The following PTPRD variants were observed in gnomAD, a reference collection of about 807,000 sequenced individuals.
PTPRD encodes receptor-type tyrosine-protein phosphatase delta.
In PTPRD, 34 loss-of-function variants were observed where a neutral mutation model predicts 214.5. That is an observed-to-expected ratio of 0.16 (90% CI 0.12 to 0.21). The LOEUF (loss-of-function observed/expected upper bound fraction) is 0.21. Ranked by LOEUF, PTPRD falls within the 10% of genes least tolerant of loss-of-function variation. PTPRD has a pLI of 1.00. For missense variants in PTPRD, 2,545 were observed against 2,398.7 expected, an observed-to-expected ratio of 1.06 and a Z score of -1.27; for synonymous variants, 1,128 against 845.7, an observed-to-expected ratio of 1.33 and a Z score of -5.79.
intron 35 of PTPRD, among the ~76,000 whole-genome samples, chr9:8,405,232 A>G (rs1165855614): frequency 6.6e-6 from 1 of 152,202 alleles, no homozygotes. Context: ...AATAGTTAAC[A>G]CGAACAGTAA....
intron 3 of PTPRD, among the ~76,000 whole-genome samples, chr9:10,073,283 T>A (rs7022176): frequency 1.7e-3 from 264 of 152,040 alleles, no homozygotes; most frequent in Non-Finnish European, 2.7e-3. Flanking sequence ...CAGGAAACAA[T>A]CTCATTAAAG....
intron 9 of PTPRD, among the ~76,000 whole-genome samples, chr9:9,321,601 A>G (rs934938187): frequency 1.3e-5 from 2 of 152,062 alleles, no homozygotes; most frequent in Admixed American, 1.3e-4. Flanking sequence ...ATGTATGCAT[A>G]TCTGATTTTT....
intron 5 of PTPRD, among the ~76,000 whole-genome samples, chr9:9,787,092 G>A (rs912974019): frequency 6.6e-6 from 1 of 151,346 alleles, no homozygotes; most frequent in African/African-American, 2.4e-5. Flanking sequence ...ATCTGAGATC[G>A]CACCACTACA....
intron 4 of PTPRD, among the ~76,000 whole-genome samples, chr9:9,945,098 G>A (rs190432673): frequency 6.6e-6 from 1 of 152,236 alleles, no homozygotes; most frequent in African/African-American, 2.4e-5. Context: ...AAGTATAACT[G>A]TATAGTTTTA....
At chr9:8,937,558 T>G (rs1458433710) in intron 11 of PTPRD, among the ~76,000 whole-genome samples, 1 of 152,200 alleles carries the variant, frequency 6.6e-6, no homozygotes, top group Non-Finnish European at 1.5e-5. Flanking sequence ...TTTAGCAATC[T>G]TAGTCCCTCA....
chr9:9,114,226 G>A (rs889209538), intron 10 of PTPRD, among the ~76,000 whole-genome samples: 7 of 152,252 alleles, frequency 4.6e-5, no homozygotes, highest in South Asian at 2.1e-4. Flanking sequence ...AGGGTAGTTC[G>A]GGTGCAAACA....
Position 10,551,582 on chromosome 9 carries a change from A to G in PTPRD, c.-600+60816T>C, listed in dbSNP as rs182466275. Among the ~76,000 whole-genome samples, 49 of 152,230 alleles carry G rather than the reference A, an allele frequency of 3.2e-4. No homozygotes were observed. The East Asian group carries it at 9.1e-3, about 28-fold the overall frequency. ...TAAAGAGCTGCCTTGCCCTCTCCAC[A>G]TGCATTAAGTCTATATCTATAAACC... On this transcript the variant is annotated intron_variant, in intron 2 of 45. Coordinates refer to ENST00000381196, the MANE Select transcript of PTPRD (RefSeq NM_002839.4).
At chr9:9,462,620 C>T (rs1322905013) in intron 8 of PTPRD, among the ~76,000 whole-genome samples, 1 of 152,042 alleles carries the variant, frequency 6.6e-6, no homozygotes, top group East Asian at 1.9e-4. Context: ...GTTCTAGTTG[C>T]CTCGTTGTTT....
At chr9:9,997,976 G>A (rs1166691456) in intron 4 of PTPRD, among the ~76,000 whole-genome samples, 1 of 151,692 alleles carries the variant, frequency 6.6e-6, no homozygotes, top group Non-Finnish European at 1.5e-5. Context: ...GATACCAATC[G>A]CCTGGGCCAT....
At chr9:9,336,776 A>C (rs144837557) in intron 9 of PTPRD, among the ~76,000 whole-genome samples, 32 of 152,302 alleles carry the variant, frequency 2.1e-4, no homozygotes, top group Middle Eastern at 6.8e-3. Flanking sequence ...CTTGAAATTT[A>C]TACTTTAATA....
chr9:10,518,015 G>C (rs2050719353), intron 2 of PTPRD, among the ~76,000 whole-genome samples: 1 of 152,060 alleles, frequency 6.6e-6, no homozygotes, highest in Admixed American at 6.6e-5. Flanking sequence ...ATATATACAG[G>C]TATAAATTCT....
intron 11 of PTPRD, among the ~76,000 whole-genome samples, chr9:8,910,012 T>C (rs1291569809): frequency 6.6e-6 from 1 of 151,734 alleles, no homozygotes; most frequent in Non-Finnish European, 1.5e-5. Context: ...CTCCAAAACT[T>C]ATGTAGAAAT....
intron 8 of PTPRD, among the ~76,000 whole-genome samples, chr9:9,407,827 A>G (rs1024285902): frequency 6.6e-6 from 1 of 151,820 alleles, no homozygotes; most frequent in Non-Finnish European, 1.5e-5. Context: ...TTGCAATTGT[A>G]TTACTATATT....
chr9:9,809,632 G>A (rs1489803470), intron 5 of PTPRD, among the ~76,000 whole-genome samples: 2 of 152,140 alleles, frequency 1.3e-5, no homozygotes, highest in Non-Finnish European at 2.9e-5. Flanking sequence ...CTTGTCAGTT[G>A]TTCATGAGAG....
chr9:9,805,260 A>G (rs1426746046), intron 5 of PTPRD, among the ~76,000 whole-genome samples: 1 of 152,132 alleles, frequency 6.6e-6, no homozygotes, highest in Non-Finnish European at 1.5e-5. Context: ...AGTAATATAT[A>G]AAGTGCTTTG....
chr9:8,594,360 A>G (rs550524860), intron 14 of PTPRD, among the ~76,000 whole-genome samples: 1 of 152,358 alleles, frequency 6.6e-6, no homozygotes, highest in South Asian at 2.1e-4. Context: ...TTACTTTATC[A>G]AAGATCTCCT....
rs909280419 is a variant in PTPRD, at chr9:8,316,284, A to C, written c.*1590T>G. 3 of 230,682 alleles carry C rather than the reference A, an allele frequency of 1.3e-5. No individual in the cohort carries two copies. The highest frequency in any genetic ancestry group is 1.7e-5 in the Non-Finnish European group (2 of 116,230). The allele number at this position is 230,682 out of a possible 1,614,324, so 14.3% of individuals were successfully genotyped here. The stretch of plus-strand genomic sequence containing the variant: ...AGAAAGTAACAGATACGAACAGTGA[A>C]TGGAAATACGAACCAAAAGCTAAAA... On this transcript the variant is annotated 3_prime_UTR_variant, in exon 46 of 46. Transcript: ENST00000381196.
intron 27 of PTPRD, among the ~76,000 whole-genome samples, chr9:8,489,492 C>T (rs1370781058): frequency 6.6e-6 from 1 of 152,086 alleles, no homozygotes; most frequent in Non-Finnish European, 1.5e-5. Flanking sequence ...CCTGGAAGTG[C>T]CACAAAGCAT....
intron 34 of PTPRD, chr9:8,438,824 C>T (rs1327473629): frequency 6.6e-6 from 1 of 151,958 alleles, no homozygotes; most frequent in Non-Finnish European, 1.5e-5. Context: ...CTCAAAGCTG[C>T]AAAAAGTAAA....
Sources: gnomAD v4.1 joint callset for allele counts (sites outside exome capture counted in the v4.1 genomes callset) on GRCh38, gnomAD v4.1.1 for gene constraint, MANE v1.5 for transcripts, NCBI Gene and HGNC (gene_info 2026-07-23, HGNC 2026-07-21) for gene names.